CPEB3: variants seen among roughly 807,000 people sequenced by gnomAD.
CPEB3 encodes cytoplasmic polyadenylation element-binding protein 3.
CPEB3 carries 20 observed loss-of-function variants against 67.2 expected under a neutral mutation model. That is an observed-to-expected ratio of 0.30 (90% CI 0.21 to 0.43). The LOEUF (loss-of-function observed/expected upper bound fraction) is 0.43. Ranked by LOEUF, CPEB3 falls within the 20% of genes least tolerant of loss-of-function variation. CPEB3 has a pLI of 1.00. For synonymous variants in CPEB3, 376 were observed against 393.1 expected (o/e 0.96, Z 0.51); for missense variants, 746 against 968.6 (o/e 0.77, Z 3.05).
rs140357022 is a variant in CPEB3, at chr10:92,066,810, C to T, written c.1870-14371G>A. Among the ~76,000 whole-genome samples, 64 of 152,056 alleles carry T rather than the reference C, an allele frequency of 4.2e-4. No individual in the cohort carries two copies. The East Asian group carries it at 0.011, about 27-fold the overall frequency. Reference sequence around the variant, plus strand: ...CTGTAATTCTAGCACTTTGGGAGGCCGAAGCGGGCGGATCACTTGAAGTCA... The same window carrying T: ...CTGTAATTCTAGCACTTTGGGAGGCTGAAGCGGGCGGATCACTTGAAGTCA... On this transcript the variant is annotated intron_variant, in intron 9 of 9. Coordinates refer to ENST00000265997, the MANE Select transcript of CPEB3 (RefSeq NM_014912.5).
At position 92,215,545 on chromosome 10, in the gene CPEB3, G is replaced by A. The variant is rs1358562497; in HGVS notation, c.1006-22909C>T. On this transcript the variant is annotated intron_variant, in intron 2 of 9. Transcript: ENST00000265997. ...CAACCTCCACCTCCCGGGTTCAAGC[G>A]ATTTTCCTGCCTCTGCCTCCTGAGT... Among the ~76,000 whole-genome samples the A allele has an allele frequency of 4.8e-4, 72 of 148,484 alleles. 1 individual carries two copies. Among genetic ancestry groups the A allele is most frequent in the Non-Finnish European group, 1.5e-5 (1 of 67,346 alleles).
chr10:92,227,773 A>G (rs1193838206), intron 2 of CPEB3, among the ~76,000 whole-genome samples: 1 of 152,024 alleles, frequency 6.6e-6, no homozygotes, highest in Non-Finnish European at 1.5e-5. Flanking sequence ...TTGTATTTTT[A>G]GTAGAGACGG....
At chr10:92,151,511 A>T (rs1457768411) in intron 4 of CPEB3, among the ~76,000 whole-genome samples, 4 of 152,188 alleles carry the variant, frequency 2.6e-5, no homozygotes, top group African/African-American at 9.7e-5. Context: ...ATAATGAGAG[A>T]GTTTAACTAG....
chr10:92,262,619 G>T (rs925074197), intron 1 of CPEB3, among the ~76,000 whole-genome samples: 2 of 152,016 alleles, frequency 1.3e-5, no homozygotes, highest in Admixed American at 1.3e-4. Flanking sequence ...GGCTGAGGGG[G>T]GAGGATTGCT....
rs1482100456 is a variant in CPEB3 at position 92,089,602 on chromosome 10, TG to T, written c.1687+2227del. ...GAGTTTGAAACCAGCCTGGCCAACA[TG>T]GTGAAACACTGTCTCTACCAAAAAT... On this transcript the variant is annotated intron_variant, in intron 8 of 9. Transcript: ENST00000265997. Among the ~76,000 whole-genome samples the T allele has an allele frequency of 3.9e-5, 6 of 152,188 alleles. No homozygotes were observed. The East Asian group carries it at 1.2e-3, about 29-fold the overall frequency.
chr10:92,257,972 C>A (rs910064759), intron 1 of CPEB3, among the ~76,000 whole-genome samples: 1 of 152,022 alleles, frequency 6.6e-6, no homozygotes, highest in Non-Finnish European at 1.5e-5. Context: ...TCAGATGATT[C>A]GCCAACCTCA....
chr10:92,173,941 C>T (rs1160382540), intron 4 of CPEB3, among the ~76,000 whole-genome samples: 2 of 152,150 alleles, frequency 1.3e-5, no homozygotes, highest in East Asian at 1.9e-4. Flanking sequence ...CCTGTTCAGA[C>T]AGAAAGAGAA....
intron 1 of CPEB3, among the ~76,000 whole-genome samples, chr10:92,254,966 G>A (rs930929616): frequency 3.3e-5 from 5 of 151,382 alleles, no homozygotes; most frequent in Non-Finnish European, 2.9e-5. Flanking sequence ...CCTTGGCCTC[G>A]CAAAGTGTTG....
intron 4 of CPEB3, among the ~76,000 whole-genome samples, chr10:92,145,426 C>T (rs148045362): frequency 0.015 from 2,216 of 152,102 alleles, 56 homozygotes; most frequent in African/African-American, 0.05. Context: ...GTCAGGAGTT[C>T]GAGGCCAGCC....
chr10:92,139,515 G>A (rs1011675978), intron 6 of CPEB3, among the ~76,000 whole-genome samples: 1 of 140,880 alleles, frequency 7.1e-6, no homozygotes, highest in South Asian at 2.5e-4. Context: ...ATAGAATGAT[G>A]TAAGTTACCA....
intron 1 of CPEB3, among the ~76,000 whole-genome samples, chr10:92,244,483 G>T (rs1428799885): frequency 6.6e-6 from 1 of 151,654 alleles, no homozygotes; most frequent in Non-Finnish European, 1.5e-5. Context: ...TGTTGCCTAG[G>T]CTGGAGTACA....
intron 1 of CPEB3, among the ~76,000 whole-genome samples, chr10:92,261,144 T>C (rs1277585949): frequency 6.6e-6 from 1 of 152,190 alleles, no homozygotes; most frequent in Non-Finnish European, 1.5e-5. Context: ...CCTTGGATTC[T>C]AGTATTTGAA....
intron 3 of CPEB3, among the ~76,000 whole-genome samples, chr10:92,185,296 T>C (rs1848636331): frequency 6.6e-6 from 1 of 152,168 alleles, no homozygotes; most frequent in Admixed American, 6.5e-5. Context: ...TTTTACTAAG[T>C]TAAATGATGC....
intron 4 of CPEB3, among the ~76,000 whole-genome samples, chr10:92,166,086 T>C (rs935658728): frequency 6.6e-6 from 1 of 152,100 alleles, no homozygotes; most frequent in African/African-American, 2.4e-5. Context: ...ATGGCAAGTA[T>C]TGCCTTACAA....
At chr10:92,230,435 T>A (rs1273086075) in intron 2 of CPEB3, among the ~76,000 whole-genome samples, 4 of 152,182 alleles carry the variant, frequency 2.6e-5, no homozygotes, top group Non-Finnish European at 5.9e-5. Context: ...CATTTCTGTT[T>A]CTCTCCTCTG....
chr10:92,265,168 A>C (rs1852997688), intron 1 of CPEB3, among the ~76,000 whole-genome samples: 1 of 152,154 alleles, frequency 6.6e-6, no homozygotes, highest in Non-Finnish European at 1.5e-5. Flanking sequence ...TCAAAAAAAA[A>C]AATAAAGTCA....
chr10:92,195,856 A>C (rs117378209), intron 2 of CPEB3, among the ~76,000 whole-genome samples: 2,710 of 152,322 alleles, frequency 0.018, 29 homozygotes, highest in Non-Finnish European at 0.028. Flanking sequence ...AAGGAGTATA[A>C]AAATCTGGCC....
chr10:92,230,921 A>G (rs2134558373), intron 2 of CPEB3, among the ~76,000 whole-genome samples: 1 of 152,340 alleles, frequency 6.6e-6, no homozygotes, highest in Non-Finnish European at 1.5e-5. Flanking sequence ...GCCCCTAAAG[A>G]GGGTCAGGCA....
chr10:92,175,409 T>C (rs1214131160), intron 4 of CPEB3, among the ~76,000 whole-genome samples: 1 of 152,074 alleles, frequency 6.6e-6, no homozygotes, highest in Non-Finnish European at 1.5e-5. Context: ...TTCGCACATA[T>C]GTCTTTGTGT....
Sources: gnomAD v4.1 joint callset for allele counts (sites outside exome capture counted in the v4.1 genomes callset) on GRCh38, gnomAD v4.1.1 for gene constraint, MANE v1.5 for transcripts, NCBI Gene and HGNC (gene_info 2026-07-23, HGNC 2026-07-21) for gene names.